The following AK7 variants were observed in gnomAD, a reference collection of about 807,000 sequenced individuals.
AK7 encodes ATP-AMP transphosphorylase 7.
In AK7, 78 loss-of-function variants were observed where a neutral mutation model predicts 96.6. That is an observed-to-expected ratio of 0.81 (90% CI 0.67 to 0.97). The LOEUF (loss-of-function observed/expected upper bound fraction) is 0.97, where lower values mean the gene tolerates loss of function less well. Ranked by LOEUF, AK7 falls within the 50% of genes least tolerant of loss-of-function variation. AK7 has a pLI of 0.00. For synonymous variants in AK7, 302 were observed against 317.2 expected (o/e 0.95, Z 0.51); for missense variants, 855 against 887.9 (o/e 0.96, Z 0.47).
In AK7 at chr14:96,392,145, G is replaced by T. The variant is rs544887722; in HGVS notation, c.-10G>T. The T allele has an allele frequency of 2.5e-6, 4 of 1,607,456 alleles. No homozygotes were observed. The South Asian group carries it at 4.4e-5, about 18-fold the overall frequency. ...GCGCTTTCACCTTAGCAACCAGCGC[G>T]GCTCCCACCATGGCTGAAGAAGAGG... On this transcript the variant is annotated 5_prime_UTR_variant, in exon 1 of 18. Coordinates refer to ENST00000267584, the MANE Select transcript of AK7 (RefSeq NM_152327.5).
In AK7 at chr14:96,446,529, C is replaced by T. The variant is rs372510957; in HGVS notation, c.792C>T (p.Asn264=). 4.5e-5 allele frequency: 73 copies of T among 1,613,910 alleles called. No homozygotes were observed. Among genetic ancestry groups the T allele is most frequent in the South Asian group, 5.5e-5 (5 of 91,080 alleles). The change falls in exon 8 of 18, where the codon AAC becomes AAT. Residue 264 remains asparagine, a synonymous_variant. Coordinates refer to ENST00000267584, the MANE Select transcript of AK7 (RefSeq NM_152327.5). ...HVLDLAGVIQ[N]VIDHVPKPHY... is the part of the protein sequence containing the mutation. ...TGTGGGTCTGCAGAGTGATACAAAACGTCATAGATCACGTGCCAAAGCCTC... is the reference window on the plus strand; with the variant it reads ...TGTGGGTCTGCAGAGTGATACAAAATGTCATAGATCACGTGCCAAAGCCTC...
chr14:96,416,549 A>G (rs993658575), intron 4 of AK7, among the ~76,000 whole-genome samples: 8 of 152,202 alleles, frequency 5.3e-5, no homozygotes, highest in African/African-American at 1.9e-4. Context: ...ACAAGATAGT[A>G]GTAAGGCAGG....
intron 12 of AK7, among the ~76,000 whole-genome samples, chr14:96,464,838 A>G (rs1894468866): frequency 6.6e-6 from 1 of 152,162 alleles, no homozygotes; most frequent in Non-Finnish European, 1.5e-5. Flanking sequence ...AACCATAAAT[A>G]TCTTGTGACC....
intron 4 of AK7, among the ~76,000 whole-genome samples, chr14:96,419,914 G>A (rs113093381): frequency 1.6e-3 from 246 of 149,614 alleles, no homozygotes; most frequent in Non-Finnish European, 2.9e-3. Context: ...TCAGCCTCCC[G>A]AGTAGCTGGG....
intron 14 of AK7, among the ~76,000 whole-genome samples, chr14:96,473,172 A>ATT (rs112108415): frequency 1.3e-4 from 18 of 137,114 alleles, no homozygotes; most frequent in Non-Finnish European, 1.7e-4. Flanking sequence ...TGCCCAGCTA[A>ATT]TTTTTTTTTT....
intron 2 of AK7, among the ~76,000 whole-genome samples, chr14:96,400,081 C>T (rs1166994222): frequency 7.1e-6 from 1 of 140,550 alleles, no homozygotes; most frequent in Non-Finnish European, 1.5e-5. Context: ...CTCTGTTGCC[C>T]AGACTGAAGT....
chr14:96,446,184 C>T (rs1440013207), intron 7 of AK7, among the ~76,000 whole-genome samples: 3 of 152,086 alleles, frequency 2.0e-5, no homozygotes, highest in Non-Finnish European at 4.4e-5. Context: ...TGCTGGGGGC[C>T]GGTCCTGCTG....
At chr14:96,430,361 A>G (rs963449816) in intron 5 of AK7, among the ~76,000 whole-genome samples, 1 of 151,650 alleles carries the variant, frequency 6.6e-6, no homozygotes, top group Non-Finnish European at 1.5e-5. Context: ...AATTTTTTGT[A>G]TTTTTAGTAG....
intron 1 of AK7, among the ~76,000 whole-genome samples, chr14:96,392,940 G>A (rs182884783): frequency 1.3e-5 from 2 of 152,224 alleles, no homozygotes; most frequent in East Asian, 1.9e-4. Flanking sequence ...TACAGGCCGA[G>A]TAAATCCAAA....
chr14:96,406,954 G>A (rs1890746808), intron 3 of AK7, among the ~76,000 whole-genome samples: 1 of 152,092 alleles, frequency 6.6e-6, no homozygotes, highest in African/African-American at 2.4e-5. Context: ...TTACAGACGT[G>A]AACCACCACA....
In AK7 at chr14:96,408,959, T is replaced by G. The variant is rs1399178765; in HGVS notation, c.498+18T>G. 6.2e-7 allele frequency: 1 copy of G among 1,612,198 alleles called. No individual in the cohort carries two copies. The highest frequency in any genetic ancestry group is 1.1e-5 in the South Asian group (1 of 91,016). On this transcript the variant is annotated intron_variant, in intron 4 of 17. Coordinates refer to ENST00000267584, the MANE Select transcript of AK7 (RefSeq NM_152327.5). ...TGGACCCCGTAAGTAGAGCGTTAGC[T>G]TTCCTTTAGGTAACATTTCAGCCAT...
chr14:96,397,961 G>A, intron 1 of AK7, 114 bp from the exon 2 acceptor site: 2 of 1,033,256 alleles, frequency 1.9e-6, no homozygotes. Flanking sequence ...CATTTGCTTT[G>A]CCTTGGTGGC....
chr14:96,398,199 A>G lies in AK7; in HGVS notation c.230A>G (p.Gln77Arg). Reference sequence around the variant, plus strand: ...ACCAAAGTGAAGGAAGGCACATTCCAGATTGTGGGCACGCTGTCCAAGCCT... The same window carrying G: ...ACCAAAGTGAAGGAAGGCACATTCCGGATTGTGGGCACGCTGTCCAAGCCT... ...SSTKVKEGTF[Q>R]IVGTLSKPDS... Residue 77 changes from glutamine (Q) to arginine (R), a missense_variant, in exon 2 of 18, where the codon CAG becomes CGG. Coordinates refer to ENST00000267584, the MANE Select transcript of AK7 (RefSeq NM_152327.5). 1 of 1,614,094 alleles carries G rather than the reference A, an allele frequency of 6.2e-7. No individual in the cohort carries two copies. The highest frequency in any genetic ancestry group is 8.5e-7 in the Non-Finnish European group (1 of 1,180,034).
intron 3 of AK7, among the ~76,000 whole-genome samples, chr14:96,407,025 C>T (rs1478253596): frequency 2.0e-5 from 3 of 152,110 alleles, no homozygotes; most frequent in Non-Finnish European, 4.4e-5. Context: ...TCTTAGAATT[C>T]TCCTACCTTG....
At position 96,437,884 on chromosome 14, in the gene AK7, C is replaced by T. The variant is rs139741113; in HGVS notation, c.659C>T (p.Ala220Val). 793 of 1,613,310 alleles carry T rather than the reference C, an allele frequency of 4.9e-4. 2 individuals carry two copies. The highest frequency in any genetic ancestry group is 1.6e-3 in the South Asian group (146 of 90,950). The part of the protein sequence containing the change: ...YVVAAGLQYG[A>V]EGGMLHTFFK... Reference sequence around the variant, plus strand: ...GTTGCTGCTGGACTCCAGTATGGAGCGGAAGGAGGCATGTTACACACATTT... The same window carrying T: ...GTTGCTGCTGGACTCCAGTATGGAGTGGAAGGAGGCATGTTACACACATTT... The change falls in exon 6 of 18, where the codon GCG (alanine) becomes GTG (valine). Residue 220 changes from alanine (A) to valine (V), a missense_variant. Coordinates refer to ENST00000267584, the MANE Select transcript of AK7 (RefSeq NM_152327.5).
At chr14:96,401,343 C>T (rs1332548667) in intron 2 of AK7, among the ~76,000 whole-genome samples, 2 of 152,116 alleles carry the variant, frequency 1.3e-5, no homozygotes, top group Admixed American at 6.5e-5. Context: ...CCAAACAGAT[C>T]GGGGCCTCCT....
At chr14:96,463,971 G>A (rs1319019134) in intron 12 of AK7, among the ~76,000 whole-genome samples, 1 of 152,068 alleles carries the variant, frequency 6.6e-6, no homozygotes, top group Non-Finnish European at 1.5e-5. Flanking sequence ...TTTGATCCTG[G>A]TGCAATGTTA....
intron 12 of AK7, among the ~76,000 whole-genome samples, chr14:96,461,785 C>T (rs1047249273): frequency 2.0e-5 from 3 of 152,264 alleles, no homozygotes; most frequent in Admixed American, 2.0e-4. Flanking sequence ...GGGGTTTCGC[C>T]ATGTTGGCCA....
intron 5 of AK7, among the ~76,000 whole-genome samples, chr14:96,430,335 G>A (rs1336612118): frequency 6.6e-6 from 1 of 151,832 alleles, no homozygotes; most frequent in African/African-American, 2.4e-5. Context: ...ACAGGCGCCC[G>A]CCACTACGCC....
Sources: allele counts gnomAD v4.1 joint callset (sites outside exome capture counted in the v4.1 genomes callset), GRCh38; gene constraint gnomAD v4.1.1; transcripts MANE v1.5; gene names NCBI Gene and HGNC (gene_info 2026-07-23, HGNC 2026-07-21).